The following MOB3A variants were observed in gnomAD, a reference collection of about 807,000 sequenced individuals.
MOB3A encodes the protein MOB kinase activator 3A.
A neutral mutation model predicts 17.8 loss-of-function variants in MOB3A; 17 were observed. That is an observed-to-expected ratio of 0.95 (90% CI 0.65 to 1.43). MOB3A has a LOEUF of 1.43. Among genes scored for constraint, MOB3A ranks in the 40% most tolerant of loss-of-function variants. The pLI is 0.00. For synonymous variants in MOB3A, 124 were observed against 133.2 expected (o/e 0.93, Z 0.48); for missense variants, 333 against 310.8 (o/e 1.07, Z -0.54).
In MOB3A at chr19:2,078,566, T is replaced by A. The variant is rs756228335; in HGVS notation, c.-6A>T. On this transcript the variant is annotated 5_prime_UTR_variant, in exon 3 of 5. Transcript: ENST00000357066. ...TTCAGGAAGGGGTTGGACATCTTGGTGACGCCTGCTCTCCTGGACTTCTGT... is the reference window on the plus strand; with the variant it reads ...TTCAGGAAGGGGTTGGACATCTTGGAGACGCCTGCTCTCCTGGACTTCTGT... The A allele has an allele frequency of 1.9e-6, 3 of 1,558,660 alleles. No individual in the cohort carries two copies. In the Admixed American group the frequency reaches 5.4e-5, roughly 28 times the overall value.
In MOB3A at chr19:2,093,307, G is replaced by A. The variant is rs1265809990; in HGVS notation, c.-274+2919C>T. On this transcript the variant is annotated intron_variant, in intron 1 of 4. Coordinates refer to ENST00000357066, the MANE Select transcript of MOB3A (RefSeq NM_130807.3). This position sits in a 1 kb window ranked among gnomAD's most constrained non-coding sequence, Gnocchi z 4.6. Reference sequence around the variant, plus strand: ...TGAGTAGCTGGGACTACAGGCACGCGCCAGCATGCCCGGGTAAATTTTGTA... The same window carrying A: ...TGAGTAGCTGGGACTACAGGCACGCACCAGCATGCCCGGGTAAATTTTGTA... 6.6e-6 allele frequency among the ~76,000 whole-genome samples: 1 copy of A among 152,064 alleles called. No individual in the cohort carries two copies. The highest frequency in any genetic ancestry group is 2.4e-5 in the African/African-American group (1 of 41,424).
intron 2 of MOB3A, among the ~76,000 whole-genome samples, chr19:2,079,363 C>T (rs773048419): frequency 6.6e-6 from 1 of 152,270 alleles, no homozygotes; most frequent in Non-Finnish European, 1.5e-5. Context: ...GCAATGCCCG[C>T]AGCCTGTGCA....
At chr19:2,073,624 A>G (rs1383242968) in intron 4 of MOB3A, among the ~76,000 whole-genome samples, 200 bp from the exon 5 acceptor site, 1 of 152,056 alleles carries the variant, frequency 6.6e-6, no homozygotes, top group Non-Finnish European at 1.5e-5. Context: ...GAGAGTCAGC[A>G]TTTTCAGATC....
chr19:2,072,534 G>T lies in MOB3A; in HGVS notation c.*861C>A, dbSNP rs2145714946. ...GGGGCCCTTAGGAAATGAGTCAGAA[G>T]CCGGGGTGCAGGACGTGGGGTCCCA... On this transcript the variant is annotated 3_prime_UTR_variant, in exon 5 of 5. Coordinates refer to ENST00000357066, the MANE Select transcript of MOB3A (RefSeq NM_130807.3). The T allele has an allele frequency of 6.6e-6, 1 of 152,328 alleles. No homozygotes were observed. Among genetic ancestry groups the T allele is most frequent in the East Asian group, 1.9e-4 (1 of 5,178 alleles). The allele number at this position is 152,328 out of a possible 1,614,324, so 9.4% of individuals were successfully genotyped here. A position where few individuals can be genotyped will look rare whatever the true frequency, so the allele number is the denominator to read the frequency against.
chr19:2,074,062 G>A lies in MOB3A; in HGVS notation c.625-638C>T, dbSNP rs142974824. The stretch of plus-strand genomic sequence containing the variant: ...GAAAAAAACAACTTTGGGAGGCTGA[G>A]GTGGGCGGATCATGAGGTCAGGAGA... On this transcript the variant is annotated intron_variant, in intron 4 of 4. Coordinates refer to ENST00000357066, the MANE Select transcript of MOB3A (RefSeq NM_130807.3). Among the ~76,000 whole-genome samples the A allele has an allele frequency of 7.5e-3, 1,143 of 152,094 alleles. 19 individuals carry two copies. Among genetic ancestry groups the A allele is most frequent in the African/African-American group, 0.026 (1,072 of 41,486 alleles).
intron 2 of MOB3A, among the ~76,000 whole-genome samples, chr19:2,084,531 A>G (rs1469437920): frequency 6.6e-6 from 1 of 152,054 alleles, no homozygotes; most frequent in Non-Finnish European, 1.5e-5. Context: ...GTGGAAGTTA[A>G]CATCTTCTGA....
At chr19:2,086,365 A>G (rs1294951376) in intron 1 of MOB3A, among the ~76,000 whole-genome samples, 1 of 138,774 alleles carries the variant, frequency 7.2e-6, no homozygotes, top group African/African-American at 2.7e-5. Flanking sequence ...TTACTTTTTT[A>G]TTTTTATTTT....
intron 2 of MOB3A, among the ~76,000 whole-genome samples, chr19:2,084,714 C>G (rs553237319): frequency 2.6e-5 from 4 of 151,996 alleles, no homozygotes; most frequent in African/African-American, 7.2e-5. Context: ...TCTCAGCCTC[C>G]TGAGTAGCTG....
At chr19:2,075,019 A>C (rs1599401088) in intron 4 of MOB3A, among the ~76,000 whole-genome samples, 1 of 149,134 alleles carries the variant, frequency 6.7e-6, no homozygotes, top group East Asian at 2.0e-4. Flanking sequence ...GCCGGGCCTT[A>C]ATCTTTTCTT....
At chr19:2,094,847 G>A (rs368518253) in intron 1 of MOB3A, among the ~76,000 whole-genome samples, 118 of 152,364 alleles carry the variant, frequency 7.7e-4, no homozygotes, top group African/African-American at 2.7e-3. Context: ...AAACTGTTAA[G>A]GAGAAAACGA....
intron 1 of MOB3A, among the ~76,000 whole-genome samples, chr19:2,090,669 TA>T (rs1417526975): frequency 1.1e-4 from 16 of 152,190 alleles, no homozygotes; most frequent in African/African-American, 3.9e-4. Context: ...ACAAATACGT[TA>T]TTTTTTTTTT....
intron 2 of MOB3A, among the ~76,000 whole-genome samples, chr19:2,084,968 C>T (rs1322582661): frequency 6.6e-6 from 1 of 152,116 alleles, no homozygotes; most frequent in Non-Finnish European, 1.5e-5. Flanking sequence ...ACGCAATCCT[C>T]CCACCTCAGC....
Position 2,073,418 on chromosome 19 carries a change from T to C in MOB3A, c.631A>G (p.Met211Val). Residue 211 changes from methionine to valine, a missense_variant, in exon 5 of 5, where the codon ATG becomes GTG. By Grantham distance (21) the Met-to-Val change is conservative (BLOSUM62 1). Coordinates refer to ENST00000357066, the MANE Select transcript of MOB3A (RefSeq NM_130807.3). ...TCTCAGTGGCACATCCGGGCGGTCA[T>C]TTCTTTCTGTAAAGAGCAAGCAAGA... ...DTKELEPLKEMTARMCH is the reference protein window; with the variant it reads ...DTKELEPLKEVTARMCH 1 of 1,613,810 alleles carries C rather than the reference T, an allele frequency of 6.2e-7. No individual in the cohort carries two copies. Among genetic ancestry groups the C allele is most frequent in the Non-Finnish European group, 8.5e-7 (1 of 1,180,004 alleles).
rs567206500 is a variant in MOB3A at position 2,093,797 on chromosome 19, G to T, written c.-274+2429C>A. 1.2e-4 allele frequency among the ~76,000 whole-genome samples: 18 copies of T among 152,300 alleles called. No homozygotes were observed. Among genetic ancestry groups the T allele is most frequent in the Non-Finnish European group, 2.2e-4 (15 of 68,032 alleles). On this transcript the variant is annotated intron_variant, in intron 1 of 4. Transcript: ENST00000357066. The surrounding 1 kb of genome is among the most constrained non-coding windows in gnomAD (Gnocchi z 4.6). The stretch of plus-strand genomic sequence containing the variant: ...GGAACGGGTGTTGCTTGAGGTGGGT[G>T]CCTGTGTCGTCCCTGGGGAAAGGGA...
At chr19:2,080,062 G>A (rs73916844) in intron 2 of MOB3A, among the ~76,000 whole-genome samples, 2 of 152,338 alleles carry the variant, frequency 1.3e-5, no homozygotes, top group African/African-American at 2.4e-5. Flanking sequence ...CGCAGGGCCT[G>A]TCACCGCCAA....
chr19:2,081,906 C>T (rs918885737), intron 2 of MOB3A, among the ~76,000 whole-genome samples: 2 of 152,122 alleles, frequency 1.3e-5, no homozygotes, highest in East Asian at 1.9e-4. Context: ...CAACACAACA[C>T]GGTGCCCACT....
At position 2,093,594 on chromosome 19, in the gene MOB3A, T is replaced by C. The variant is rs758223149; in HGVS notation, c.-274+2632A>G. Among the ~76,000 whole-genome samples the C allele has an allele frequency of 3.3e-5, 5 of 152,104 alleles. No individual in the cohort carries two copies. Among genetic ancestry groups the C allele is most frequent in the African/African-American group, 4.8e-5 (2 of 41,404 alleles). On this transcript the variant is annotated intron_variant, in intron 1 of 4. Transcript: ENST00000357066. The surrounding 1 kb of genome is among the most constrained non-coding windows in gnomAD (Gnocchi z 4.6). ...ATGCCTGACCTCAGGTGATCTGCTC[T>C]CCTCGGCCTCCCAAAGTGCTGGGAT...
chr19:2,075,295 G>A (rs1013354753), intron 4 of MOB3A, among the ~76,000 whole-genome samples: 2 of 152,174 alleles, frequency 1.3e-5, no homozygotes, highest in African/African-American at 4.8e-5. Flanking sequence ...CTCCCAAAGG[G>A]CTGGGATTAC....
At chr19:2,081,263 G>A (rs993055074) in intron 2 of MOB3A, among the ~76,000 whole-genome samples, 1 of 152,156 alleles carries the variant, frequency 6.6e-6, no homozygotes, top group Non-Finnish European at 1.5e-5. Flanking sequence ...CTGGGGGTCG[G>A]GGGGAAGAGA....
Sources: allele counts gnomAD v4.1 joint callset (sites outside exome capture counted in the v4.1 genomes callset), GRCh38; gene constraint gnomAD v4.1.1; non-coding constraint Gnocchi (gnomAD v3.1); transcripts MANE v1.5; gene names NCBI Gene and HGNC (gene_info 2026-07-23, HGNC 2026-07-21).